SGMS1: variants seen among roughly 807,000 people sequenced by gnomAD.
The protein encoded by SGMS1 is sphingomyelin synthase 1.
Under a neutral mutation model 46.2 loss-of-function variants are expected in SGMS1, and 13 were observed. That is an observed-to-expected ratio of 0.28 (90% CI 0.18 to 0.45). The LOEUF (loss-of-function observed/expected upper bound fraction) is 0.45, where lower values mean the gene tolerates loss of function less well. SGMS1 is among the 20% of genes least tolerant of loss of function. SGMS1 has a pLI of 1.00. For missense variants in SGMS1, 324 were observed against 519.9 expected, an observed-to-expected ratio of 0.62 and a Z score of 3.66; for synonymous variants, 203 against 187.8, an observed-to-expected ratio of 1.08 and a Z score of -0.66.
At chr10:50,454,455 AG>A (rs1393760629) in intron 5 of SGMS1, among the ~76,000 whole-genome samples, 3 of 152,186 alleles carry the variant, frequency 2.0e-5, no homozygotes, top group African/African-American at 7.2e-5. Flanking sequence ...AAAGAAACAG[AG>A]AAAAAGGACA....
At position 50,407,516 on chromosome 10, in the gene SGMS1, C is replaced by T. The variant is rs867976879; in HGVS notation, c.-232+25960G>A. Among the ~76,000 whole-genome samples the T allele has an allele frequency of 1.3e-5, 2 of 152,156 alleles. 1 individual carries two copies. Among genetic ancestry groups the T allele is most frequent in the South Asian group, 4.2e-4 (2 of 4,816 alleles). ...TATCCTTTCTGGTCTCAGCTCCTATCCACCCTGACCTCCAAACGGCCTCCT... is the reference window on the plus strand; with the variant it reads ...TATCCTTTCTGGTCTCAGCTCCTATTCACCCTGACCTCCAAACGGCCTCCT... On this transcript the variant is annotated intron_variant, in intron 6 of 10. Coordinates refer to ENST00000361781, the MANE Select transcript of SGMS1 (RefSeq NM_147156.4).
At chr10:50,489,284 C>T (rs532411197) in intron 3 of SGMS1, among the ~76,000 whole-genome samples, 29 of 152,246 alleles carry the variant, frequency 1.9e-4, no homozygotes, top group Non-Finnish European at 3.2e-4. Context: ...ACCCACAGAA[C>T]TTACAACTGC....
At chr10:50,417,581 T>A (rs566488440) in intron 6 of SGMS1, among the ~76,000 whole-genome samples, 1 of 152,312 alleles carries the variant, frequency 6.6e-6, no homozygotes, top group African/African-American at 2.4e-5. Context: ...TGCATCCTTG[T>A]GGCACTTAGT....
chr10:50,407,690 G>A (rs1422287991), intron 6 of SGMS1, among the ~76,000 whole-genome samples: 1 of 151,278 alleles, frequency 6.6e-6, no homozygotes, highest in Non-Finnish European at 1.5e-5. Flanking sequence ...AATAGAATGG[G>A]TGCCTATACA....
chr10:50,475,513 A>G (rs1336537772), intron 3 of SGMS1, among the ~76,000 whole-genome samples: 3 of 152,224 alleles, frequency 2.0e-5, no homozygotes, highest in Non-Finnish European at 2.9e-5. Flanking sequence ...TTCACAATAA[A>G]TGGTAAATAT....
chr10:50,588,818 C>G (rs921811771), intron 2 of SGMS1, among the ~76,000 whole-genome samples: 8 of 150,526 alleles, frequency 5.3e-5, no homozygotes, highest in Non-Finnish European at 1.0e-4. Flanking sequence ...CAACCTCTGC[C>G]TCCCAGGCTC....
intron 2 of SGMS1, among the ~76,000 whole-genome samples, chr10:50,557,917 G>A (rs1278898225): frequency 1.3e-5 from 2 of 152,148 alleles, no homozygotes; most frequent in Admixed American, 6.5e-5. Flanking sequence ...GGAGGAGAAG[G>A]AAAAACTCAG....
At chr10:50,411,843 C>T (rs1010753297) in intron 6 of SGMS1, among the ~76,000 whole-genome samples, 8 of 152,290 alleles carry the variant, frequency 5.3e-5, no homozygotes, top group African/African-American at 9.6e-5. Context: ...AACTCAGGGG[C>T]GGCTTGAGGC....
At chr10:50,543,199 G>T (rs191745066) in intron 2 of SGMS1, among the ~76,000 whole-genome samples, 9 of 152,268 alleles carry the variant, frequency 5.9e-5, no homozygotes, top group Admixed American at 5.2e-4. Flanking sequence ...AAAAAAATGA[G>T]TATGTGGCAA....
At chr10:50,335,057 G>A (rs147868981) in intron 7 of SGMS1, 2 of 152,338 alleles carry the variant, frequency 1.3e-5, no homozygotes, top group East Asian at 3.9e-4. Context: ...TGAGGACACT[G>A]GCTTTAATGC....
intron 5 of SGMS1, among the ~76,000 whole-genome samples, chr10:50,437,439 G>A (rs1849489418): frequency 6.6e-6 from 1 of 152,220 alleles, no homozygotes; most frequent in African/African-American, 2.4e-5. Flanking sequence ...AGATTACTTA[G>A]CTAATAAATG....
At chr10:50,317,802 C>CTTTTT (rs143154915) in intron 8 of SGMS1, among the ~76,000 whole-genome samples, 8 of 133,546 alleles carry the variant, frequency 6.0e-5, no homozygotes, top group East Asian at 4.4e-4. Context: ...TTATTTCTTT[C>CTTTTT]TTTTTTTTTT....
At chr10:50,416,402 T>C (rs1849170295) in intron 6 of SGMS1, among the ~76,000 whole-genome samples, 1 of 152,238 alleles carries the variant, frequency 6.6e-6, no homozygotes, top group East Asian at 1.9e-4. Flanking sequence ...TGAAGTAATG[T>C]ATACAAAGCA....
intron 6 of SGMS1, among the ~76,000 whole-genome samples, chr10:50,381,466 G>GA (rs922128455): frequency 2.0e-5 from 3 of 151,106 alleles, no homozygotes; most frequent in Non-Finnish European, 4.4e-5. Flanking sequence ...AAGGAGATGA[G>GA]AAAAAAAAAT....
intron 1 of SGMS1, among the ~76,000 whole-genome samples, chr10:50,622,186 T>C (rs117946524): frequency 6.6e-6 from 1 of 152,320 alleles, no homozygotes; most frequent in Non-Finnish European, 1.5e-5. Context: ...TGGGCTTCCC[T>C]TGGAGCACTG....
rs141325697 is a variant in SGMS1 at position 50,472,555 on chromosome 10, T to C, written c.-497-5623A>G. Among the ~76,000 whole-genome samples, 415 of 152,294 alleles carry C rather than the reference T, an allele frequency of 2.7e-3. 3 individuals are homozygous for C. The highest frequency in any genetic ancestry group is 8.7e-3 in the African/African-American group (362 of 41,568). On this transcript the variant is annotated intron_variant, in intron 3 of 10. Transcript: ENST00000361781. ...TATTGCATAGTGTGTATATGCCATATTTTCTTTATCCATTCATCTGATAAT... is the reference window on the plus strand; with the variant it reads ...TATTGCATAGTGTGTATATGCCATACTTTCTTTATCCATTCATCTGATAAT...
chr10:50,621,198 A>C (rs1838846875), intron 1 of SGMS1, among the ~76,000 whole-genome samples: 1 of 152,204 alleles, frequency 6.6e-6, no homozygotes, highest in African/African-American at 2.4e-5. Flanking sequence ...AAACAAAAAA[A>C]AACTGATGGC....
chr10:50,333,777 C>T (rs1847666088), intron 7 of SGMS1, among the ~76,000 whole-genome samples: 1 of 152,180 alleles, frequency 6.6e-6, no homozygotes, highest in Non-Finnish European at 1.5e-5. Context: ...CCTAGGTACC[C>T]ATACAGGGTA....
chr10:50,476,783 G>A (rs995571443), intron 3 of SGMS1, among the ~76,000 whole-genome samples: 2 of 152,214 alleles, frequency 1.3e-5, no homozygotes, highest in African/African-American at 4.8e-5. Context: ...TGCTCCAGAG[G>A]GTGCAAGCCA....
Sources: gnomAD v4.1 joint callset for allele counts (sites outside exome capture counted in the v4.1 genomes callset) on GRCh38, gnomAD v4.1.1 for gene constraint, MANE v1.5 for transcripts, NCBI Gene and HGNC (gene_info 2026-07-23, HGNC 2026-07-21) for gene names.